Variants in GALNTL6 observed in about 807,000 individuals in gnomAD.
The protein encoded by GALNTL6 is polypeptide N-acetylgalactosaminyltransferase-like 6.
GALNTL6 carries 46 observed loss-of-function variants against 73.7 expected under a neutral mutation model. That is an observed-to-expected ratio of 0.62 (90% CI 0.49 to 0.80). The LOEUF is 0.80. GALNTL6 is among the 30% of genes least tolerant of loss of function. The pLI is 0.00. For synonymous variants in GALNTL6, 259 were observed against 263.7 expected (o/e 0.98, Z 0.17); for missense variants, 604 against 755.0 (o/e 0.80, Z 2.34).
intron 3 of GALNTL6, among the ~76,000 whole-genome samples, chr4:172,238,038 C>G (rs542695509): frequency 6.6e-6 from 1 of 152,018 alleles, no homozygotes; most frequent in African/African-American, 2.4e-5. Flanking sequence ...CAGCTTTGTT[C>G]TTTTTGCTTA....
At chr4:171,915,774 G>T (rs1489488628) in intron 2 of GALNTL6, among the ~76,000 whole-genome samples, 1 of 151,978 alleles carries the variant, frequency 6.6e-6, no homozygotes, top group African/African-American at 2.4e-5. Context: ...AATTTTAAGG[G>T]TCAGAAAGCC....
intron 5 of GALNTL6, among the ~76,000 whole-genome samples, chr4:172,591,778 C>T (rs983026477): frequency 1.3e-5 from 2 of 152,018 alleles, no homozygotes; most frequent in African/African-American, 4.8e-5. Flanking sequence ...TTAAACAAAG[C>T]GAGTTCAGTC....
In GALNTL6 at chr4:172,849,484, TTGAA is replaced by T. The variant is rs371352465; in HGVS notation, c.924-33287_924-33284del. On this transcript the variant is annotated intron_variant, in intron 7 of 12. Coordinates refer to ENST00000506823, the MANE Select transcript of GALNTL6 (RefSeq NM_001034845.3). ...TCTTAGAATAGGCTCTCAAAAAATG[TTGAA>T]TGAATGAATGAATGAATGGGAGAGT... 5.4e-3 allele frequency among the ~76,000 whole-genome samples: 824 copies of T among 152,188 alleles called. 9 individuals are homozygous for T. The highest frequency in any genetic ancestry group is 0.018 in the African/African-American group (750 of 41,528).
At chr4:172,683,152 C>T (rs1159920617) in intron 5 of GALNTL6, among the ~76,000 whole-genome samples, 1 of 152,132 alleles carries the variant, frequency 6.6e-6, no homozygotes, top group East Asian at 1.9e-4. Context: ...AGAGACTAAT[C>T]CACAGCAAAA....
rs191377629 is a variant in GALNTL6, at chr4:172,506,250, A to C, written c.553+157561A>C. Among the ~76,000 whole-genome samples the C allele has an allele frequency of 3.0e-3, 165 of 54,412 alleles. 68 individuals are homozygous for C. The highest frequency in any genetic ancestry group is 7.2e-3 in the African/African-American group (156 of 21,742). 35.7% of individuals were successfully genotyped at this position (54,412 alleles called of 152,430 possible). ...AATGTCTCCATGAAGAGCTGTCTCAACAAAGAATGCAGTTTCCACATCCTG... is the reference window on the plus strand; with the variant it reads ...AATGTCTCCATGAAGAGCTGTCTCACCAAAGAATGCAGTTTCCACATCCTG... On this transcript the variant is annotated intron_variant, in intron 5 of 12. Coordinates refer to ENST00000506823, the MANE Select transcript of GALNTL6 (RefSeq NM_001034845.3).
intron 2 of GALNTL6, among the ~76,000 whole-genome samples, chr4:171,990,260 C>G (rs570002304): frequency 9.2e-5 from 14 of 152,080 alleles, no homozygotes; most frequent in Non-Finnish European, 1.6e-4. Flanking sequence ...CAAGTGCATA[C>G]CATGTATTGG....
At chr4:171,988,739 C>T (rs1323430736) in intron 2 of GALNTL6, among the ~76,000 whole-genome samples, 2 of 152,084 alleles carry the variant, frequency 1.3e-5, no homozygotes, top group South Asian at 2.1e-4. Context: ...TGATAACAGG[C>T]TTTAATCTTT....
intron 2 of GALNTL6, among the ~76,000 whole-genome samples, chr4:172,185,253 T>C (rs17058109): frequency 0.35 from 53,809 of 152,060 alleles, 9,695 homozygotes; most frequent in Admixed American, 0.38. Flanking sequence ...AAGACTTTTG[T>C]ACATGAAAAA....
intron 2 of GALNTL6, among the ~76,000 whole-genome samples, chr4:171,818,144 T>C (rs1579479434): frequency 6.6e-6 from 1 of 151,892 alleles, no homozygotes; most frequent in East Asian, 1.9e-4. Context: ...GAAATGCTCC[T>C]CTTCTCTTGT....
At chr4:172,518,019 A>G (rs1734661506) in intron 5 of GALNTL6, among the ~76,000 whole-genome samples, 1 of 152,026 alleles carries the variant, frequency 6.6e-6, no homozygotes, top group African/African-American at 2.4e-5. Flanking sequence ...TGAATTTTCC[A>G]AAACAGTCTC....
At chr4:172,711,178 G>A (rs1734680178) in intron 5 of GALNTL6, among the ~76,000 whole-genome samples, 1 of 152,152 alleles carries the variant, frequency 6.6e-6, no homozygotes, top group Non-Finnish European at 1.5e-5. Flanking sequence ...AATCACCTAC[G>A]TGACACTTGG....
At chr4:172,964,835 G>A (rs1351172881) in intron 10 of GALNTL6, among the ~76,000 whole-genome samples, 1 of 152,184 alleles carries the variant, frequency 6.6e-6, no homozygotes, top group Admixed American at 6.5e-5. Flanking sequence ...TGTGATGCAG[G>A]AGTAAAAAGC....
In GALNTL6 at chr4:172,079,285, G is replaced by C. The variant is rs1168250093; in HGVS notation, c.139-150371G>C. Among the ~76,000 whole-genome samples the C allele has an allele frequency of 3.3e-5, 5 of 152,088 alleles. No individual in the cohort carries two copies. The South Asian group carries it at 6.2e-4, about 19-fold the overall frequency. On this transcript the variant is annotated intron_variant, in intron 2 of 12. Coordinates refer to ENST00000506823, the MANE Select transcript of GALNTL6 (RefSeq NM_001034845.3). ...GTGTGTAAAATATATTATAGATAATGTAGATTTGGATAATCATTTTATTAG... is the reference window on the plus strand; with the variant it reads ...GTGTGTAAAATATATTATAGATAATCTAGATTTGGATAATCATTTTATTAG...
chr4:171,892,590 C>T (rs1241245567), intron 2 of GALNTL6, among the ~76,000 whole-genome samples: 1 of 152,006 alleles, frequency 6.6e-6, no homozygotes, highest in African/African-American at 2.4e-5. Flanking sequence ...AAGACAAAGC[C>T]TCTCTGTGTT....
intron 8 of GALNTL6, among the ~76,000 whole-genome samples, chr4:172,922,430 G>A (rs1747844697): frequency 1.3e-5 from 2 of 152,114 alleles, no homozygotes; most frequent in Admixed American, 1.3e-4. Flanking sequence ...AAGGAATCAT[G>A]TTCCCACACT....
At chr4:172,267,749 GA>G (rs1349169022) in intron 3 of GALNTL6, among the ~76,000 whole-genome samples, 1 of 152,082 alleles carries the variant, frequency 6.6e-6, no homozygotes, top group East Asian at 1.9e-4. Context: ...TGTTCAAAAA[GA>G]AATTAAGACA....
At chr4:171,998,476 A>G (rs1740564991) in intron 2 of GALNTL6, among the ~76,000 whole-genome samples, 1 of 152,092 alleles carries the variant, frequency 6.6e-6, no homozygotes, top group South Asian at 2.1e-4. Context: ...GGCCCACTCT[A>G]AAAGTCTCAT....
chr4:172,443,949 A>T (rs1253463935), intron 5 of GALNTL6, among the ~76,000 whole-genome samples: 1 of 152,156 alleles, frequency 6.6e-6, no homozygotes, highest in Non-Finnish European at 1.5e-5. Flanking sequence ...GGCCTAGCAT[A>T]ATTGAATTTT....
At chr4:172,092,681 T>G (rs1392498915) in intron 2 of GALNTL6, among the ~76,000 whole-genome samples, 5 of 151,988 alleles carry the variant, frequency 3.3e-5, no homozygotes, top group Non-Finnish European at 7.4e-5. Flanking sequence ...TAAATTCAGT[T>G]TTTAAAATAA....
Sources: gnomAD v4.1 joint callset for allele counts (sites outside exome capture counted in the v4.1 genomes callset) on GRCh38, gnomAD v4.1.1 for gene constraint, MANE v1.5 for transcripts, NCBI Gene and HGNC (gene_info 2026-07-23, HGNC 2026-07-21) for gene names.